The following AMMECR1 variants were observed in gnomAD, a reference collection of about 807,000 sequenced individuals.
AMMECR1 encodes the protein nuclear protein AMMECR1.
In AMMECR1, 3 loss-of-function variants were observed where a neutral mutation model predicts 22.5. The ratio of observed to expected loss-of-function variants is 0.13; its 90% confidence interval spans 0.06 to 0.35. AMMECR1 has a LOEUF of 0.35. Among genes scored for constraint, AMMECR1 ranks in the 10% least tolerant of loss-of-function variants. The pLI is 1.00. For missense variants in AMMECR1, 235 were observed against 278.7 expected (o/e 0.84, Z 1.12); for synonymous variants, 130 against 116.7 (o/e 1.11, Z -0.74).
chrX:110,267,698 C>T (rs940766947), intron 1 of AMMECR1, among the ~76,000 whole-genome samples: 4 of 111,751 alleles, frequency 3.6e-5, no homozygotes, highest in African/African-American at 9.8e-5. Flanking sequence ...CTATCAAAAA[C>T]GCTAGAAATG....
Position 110,334,934 on chromosome X carries a change from A to T in AMMECR1, c.-147-17085T>A, listed in dbSNP as rs761049792. On this transcript the variant is annotated intron_variant, in intron 2 of 7. Transcript: ENST00000372057. ...AGACTCTGCAGAATCAGATTGCCTA[A>T]GTGAAGGGAGGGCATATGTAATATA... 3.6e-5 allele frequency among the ~76,000 whole-genome samples: 4 copies of T among 111,542 alleles called. No homozygotes were observed. The South Asian group carries it at 1.5e-3, about 43-fold the overall frequency.
chrX:110,286,007 G>A (rs2067877338), intron 1 of AMMECR1, among the ~76,000 whole-genome samples: 2 of 111,990 alleles, frequency 1.8e-5, no homozygotes, highest in African/African-American at 6.5e-5. Context: ...GATACAAGAT[G>A]GGAGCAAAAT....
chrX:110,249,224 C>G (rs2067674218), intron 2 of AMMECR1, among the ~76,000 whole-genome samples: 1 of 110,165 alleles, frequency 9.1e-6, no homozygotes, highest in Non-Finnish European at 1.9e-5. Context: ...AAAGGTTATT[C>G]AGTGATTTTT....
At chrX:110,236,318 T>C (rs908255421) in intron 2 of AMMECR1, among the ~76,000 whole-genome samples, 2 of 110,998 alleles carry the variant, frequency 1.8e-5, no homozygotes, top group Middle Eastern at 4.2e-3. Flanking sequence ...ATTATACGAG[T>C]TACTCAAAGC....
chrX:110,396,439 C>A (rs1351542123), intron 2 of AMMECR1, among the ~76,000 whole-genome samples: 3 of 100,266 alleles, frequency 3.0e-5, no homozygotes, highest in Admixed American at 2.1e-4. Context: ...AATTATTATC[C>A]CCCCCATCGC....
At chrX:110,396,580 G>A (rs1422914174) in intron 2 of AMMECR1, among the ~76,000 whole-genome samples, 2 of 111,960 alleles carry the variant, frequency 1.8e-5, no homozygotes, top group African/African-American at 6.5e-5. Context: ...CTCAGAGCTG[G>A]AATTACAGTT....
intron 2 of AMMECR1, among the ~76,000 whole-genome samples, chrX:110,236,921 C>T (rs1049228311): frequency 1.7e-4 from 19 of 111,395 alleles, no homozygotes; most frequent in African/African-American, 5.9e-4. Flanking sequence ...CAACATTTTT[C>T]TATCTAAAAC....
At chrX:110,226,946 ATC>A (rs943313493) in intron 2 of AMMECR1, among the ~76,000 whole-genome samples, 1 of 111,687 alleles carries the variant, frequency 9.0e-6, no homozygotes, top group African/African-American at 3.3e-5. Flanking sequence ...ATTGAAAAAC[ATC>A]TGTTTTATCT....
intron 2 of AMMECR1, among the ~76,000 whole-genome samples, chrX:110,241,637 A>C (rs2067633319): frequency 9.2e-6 from 1 of 109,240 alleles, no homozygotes; most frequent in African/African-American, 3.3e-5. Flanking sequence ...AGAGAGGGGA[A>C]CATCACACAC....
intron 2 of AMMECR1, among the ~76,000 whole-genome samples, chrX:110,396,281 C>T (rs1276211448): frequency 9.0e-6 from 1 of 111,275 alleles, no homozygotes; most frequent in African/African-American, 3.3e-5. Context: ...TATAATGAAC[C>T]CCCAAGTATC....
chrX:110,294,849 G>A (rs1235252926), intron 1 of AMMECR1, among the ~76,000 whole-genome samples: 1 of 110,045 alleles, frequency 9.1e-6, no homozygotes, highest in African/African-American at 3.3e-5. Flanking sequence ...AATTACTTTT[G>A]CACCAACCTA....
chrX:110,397,461 G>A (rs887509729), intron 2 of AMMECR1, among the ~76,000 whole-genome samples: 4 of 109,804 alleles, frequency 3.6e-5, no homozygotes, highest in African/African-American at 1.3e-4. Flanking sequence ...ATGCCAAGCA[G>A]AGGACAATGA....
At chrX:110,301,503 G>T (rs1482765695) in intron 1 of AMMECR1, among the ~76,000 whole-genome samples, 1 of 112,286 alleles carries the variant, frequency 8.9e-6, no homozygotes, top group African/African-American at 3.2e-5. Context: ...GGTGAATGGG[G>T]CCTTCCCAAG....
chrX:110,409,119 A>C (rs189174153), intron 2 of AMMECR1, among the ~76,000 whole-genome samples: 2 of 111,704 alleles, frequency 1.8e-5, no homozygotes, highest in Admixed American at 1.9e-4. Context: ...ATGTGGATGC[A>C]AGCACACAGC....
chrX:110,301,456 G>A (rs1272280110), intron 1 of AMMECR1, among the ~76,000 whole-genome samples: 2 of 112,299 alleles, frequency 1.8e-5, no homozygotes, highest in Non-Finnish European at 3.8e-5. Flanking sequence ...TGAGGATAGG[G>A]CTTTTCCACT....
chrX:110,284,066 C>T (rs185263442), intron 1 of AMMECR1, among the ~76,000 whole-genome samples: 58 of 111,093 alleles, frequency 5.2e-4, no homozygotes, highest in Non-Finnish European at 2.3e-4. Context: ...GCGGCGGTTG[C>T]GGTGAGCTGA....
chrX:110,224,402 T>C (rs2067520745), intron 2 of AMMECR1, among the ~76,000 whole-genome samples: 1 of 111,588 alleles, frequency 9.0e-6, no homozygotes, highest in Non-Finnish European at 1.9e-5. Flanking sequence ...AAAATCATGC[T>C]ATAGGACTGC....
At chrX:110,307,860 T>C (rs1266447125) in intron 1 of AMMECR1, among the ~76,000 whole-genome samples, 1 of 104,347 alleles carries the variant, frequency 9.6e-6, no homozygotes, top group South Asian at 4.2e-4. Flanking sequence ...AAACTTTTTT[T>C]TTTCTTTTTT....
intron 2 of AMMECR1, among the ~76,000 whole-genome samples, chrX:110,384,434 A>T (rs545175448): frequency 8.9e-6 from 1 of 111,960 alleles, no homozygotes; most frequent in South Asian, 3.7e-4. Context: ...TATTTTAAGA[A>T]TTAAATAACT....
Sources: allele counts gnomAD v4.1 joint callset (sites outside exome capture counted in the v4.1 genomes callset), GRCh38; gene constraint gnomAD v4.1.1; transcripts MANE v1.5; gene names NCBI Gene and HGNC (gene_info 2026-07-23, HGNC 2026-07-21).